PDE1A: variants seen among roughly 807,000 people sequenced by gnomAD.
PDE1A encodes dual specificity calcium/calmodulin-dependent 3',5'-cyclic nucleotide phosphodiesterase 1A.
A neutral mutation model predicts 61.7 loss-of-function variants in PDE1A; 35 were observed. The ratio of observed to expected loss-of-function variants is 0.57; its 90% CI spans 0.43 to 0.75. PDE1A has a LOEUF of 0.75. Ranked by LOEUF, PDE1A falls within the 30% of genes least tolerant of loss-of-function variation. The pLI is 0.00. For missense variants in PDE1A, 597 were observed against 630.6 expected (o/e 0.95, Z 0.57); for synonymous variants, 232 against 213.2 (o/e 1.09, Z -0.77).
At chr2:182,220,329 A>AT (rs1005550830) in intron 7 of PDE1A, among the ~76,000 whole-genome samples, 21 of 152,004 alleles carry the variant, frequency 1.4e-4, no homozygotes, top group African/African-American at 4.6e-4. Context: ...GAAAGCTGTG[A>AT]TTTTCCAGTA....
intron 1 of PDE1A, among the ~76,000 whole-genome samples, chr2:182,418,302 G>C (rs1345161816): frequency 6.6e-6 from 1 of 152,128 alleles, no homozygotes; most frequent in Non-Finnish European, 1.5e-5. Flanking sequence ...GGAAAATGTG[G>C]GCAGTCATTA....
chr2:182,195,284 C>T (rs1391373184), intron 10 of PDE1A, among the ~76,000 whole-genome samples: 1 of 152,018 alleles, frequency 6.6e-6, no homozygotes, highest in African/African-American at 2.4e-5. Context: ...ACCACCAATT[C>T]CTCACATTTG....
chr2:182,224,720 C>T (rs1209481918), intron 6 of PDE1A, among the ~76,000 whole-genome samples: 1 of 151,812 alleles, frequency 6.6e-6, no homozygotes, highest in African/African-American at 2.4e-5. Context: ...AATATGGTAA[C>T]CACATGTGAC....
chr2:182,186,155 C>A, intron 12 of PDE1A, 76 bp from the exon 13 acceptor site: 2 of 1,482,446 alleles, frequency 1.3e-6, no homozygotes, highest in Admixed American at 2.1e-5. Flanking sequence ...AAAAACTTTA[C>A]AAAACCGACT....
intron 1 of PDE1A, among the ~76,000 whole-genome samples, chr2:182,273,890 G>C (rs1693216499): frequency 6.6e-6 from 1 of 152,068 alleles, no homozygotes; most frequent in African/African-American, 2.4e-5. Flanking sequence ...ATGGTTAAAA[G>C]TGGTATATTA....
At chr2:182,566,470 T>C in the PDE1A span, among the ~76,000 whole-genome samples, 6 of 151,520 alleles carry the variant, frequency 4.0e-5, no homozygotes, top group Non-Finnish European at 8.8e-5. Flanking sequence ...TCCAAATATA[T>C]ATGATTTAAT....
chr2:182,611,072 C>G, the PDE1A span, among the ~76,000 whole-genome samples: 2 of 152,164 alleles, frequency 1.3e-5, no homozygotes, highest in Non-Finnish European at 2.9e-5. Context: ...AGATGAAAAG[C>G]AGAAGCTCAG....
intron 10 of PDE1A, among the ~76,000 whole-genome samples, chr2:182,194,951 T>A (rs1293148176): frequency 6.6e-6 from 1 of 150,840 alleles, no homozygotes; most frequent in Non-Finnish European, 1.5e-5. Flanking sequence ...CTTGAAAAAT[T>A]CTAAAAATCA....
chr2:182,503,167 T>A (rs72886952), intron 2 of PDE1A, among the ~76,000 whole-genome samples: 8,105 of 152,098 alleles, frequency 0.053, 253 homozygotes, highest in Middle Eastern at 0.099. Flanking sequence ...ATCTCAAATA[T>A]GTCCCAAATC....
At chr2:182,678,300 G>A in the PDE1A span, among the ~76,000 whole-genome samples, 11 of 152,156 alleles carry the variant, frequency 7.2e-5, no homozygotes, top group African/African-American at 2.7e-4. Flanking sequence ...GTGGGCGCCT[G>A]TAATCCCAGC....
chr2:182,230,384 C>G (rs1342272024), intron 5 of PDE1A, among the ~76,000 whole-genome samples: 1 of 152,266 alleles, frequency 6.6e-6, no homozygotes, highest in South Asian at 2.1e-4. Context: ...CTTACTTGTA[C>G]TATAGGCTTG....
At chr2:182,643,237 T>C in the PDE1A span, among the ~76,000 whole-genome samples, 1 of 152,208 alleles carries the variant, frequency 6.6e-6, no homozygotes, top group African/African-American at 2.4e-5. Context: ...TTCAAATACT[T>C]GTAAACCTCC....
chr2:182,436,557 T>A (rs1369692663), intron 2 of PDE1A, among the ~76,000 whole-genome samples: 1 of 151,962 alleles, frequency 6.6e-6, no homozygotes, highest in Admixed American at 6.6e-5. Context: ...TGAACCCTCA[T>A]CTTGCTCTAT....
intron 2 of PDE1A, among the ~76,000 whole-genome samples, chr2:182,453,854 A>G (rs368720304): frequency 0.01 from 1,559 of 152,020 alleles, 24 homozygotes; most frequent in African/African-American, 0.034. Flanking sequence ...TTGAAAACTG[A>G]CACAAGACAG....
chr2:182,558,974 G>A, the PDE1A span, among the ~76,000 whole-genome samples: 9 of 152,032 alleles, frequency 5.9e-5, no homozygotes, highest in African/African-American at 1.2e-4. Flanking sequence ...TTTGATCATC[G>A]CTAATATCAA....
chr2:182,414,889 T>C (rs980812795), intron 1 of PDE1A, among the ~76,000 whole-genome samples: 1 of 152,102 alleles, frequency 6.6e-6, no homozygotes, highest in Non-Finnish European at 1.5e-5. Context: ...TCTACATCAA[T>C]TTGTCTAAAA....
chr2:182,705,903 T>C, the PDE1A span, among the ~76,000 whole-genome samples: 2 of 152,106 alleles, frequency 1.3e-5, no homozygotes, highest in Admixed American at 6.5e-5. Context: ...TTCATTATTA[T>C]GCAATGATAA....
chr2:182,587,731 C>A, the PDE1A span, among the ~76,000 whole-genome samples: 1 of 152,068 alleles, frequency 6.6e-6, no homozygotes, highest in Non-Finnish European at 1.5e-5. Flanking sequence ...TTATATTTGT[C>A]TAGAGTTCAC....
chr2:182,226,218 A>G (rs1443044677), intron 6 of PDE1A, among the ~76,000 whole-genome samples: 1 of 150,064 alleles, frequency 6.7e-6, no homozygotes, highest in Non-Finnish European at 1.5e-5. Context: ...AACTGTCAAT[A>G]GTAAAAAGAA....
Sources: gnomAD v4.1 joint callset for allele counts (sites outside exome capture counted in the v4.1 genomes callset) on GRCh38, gnomAD v4.1.1 for gene constraint, MANE v1.5 for transcripts, NCBI Gene and HGNC (gene_info 2026-07-23, HGNC 2026-07-21) for gene names.